Variants in ENOX1 observed in about 807,000 individuals in gnomAD.
ENOX1 encodes ecto-NOX disulfide-thiol exchanger 1.
ENOX1 carries 42 observed loss-of-function variants against 82.5 expected under a neutral mutation model. The observed-to-expected ratio is 0.51, with a 90% confidence interval of 0.40 to 0.66. The LOEUF (loss-of-function observed/expected upper bound fraction) is 0.66, where lower values mean the gene tolerates loss of function less well. ENOX1 is among the 30% of genes least tolerant of loss of function. ENOX1 has a pLI of 0.00. For synonymous variants in ENOX1, 271 were observed against 282.2 expected (o/e 0.96, Z 0.40); for missense variants, 608 against 811.6 (o/e 0.75, Z 3.05).
chr13:43,538,271 T>C (rs1593700723), intron 2 of ENOX1, among the ~76,000 whole-genome samples: 1 of 152,210 alleles, frequency 6.6e-6, no homozygotes, highest in Non-Finnish European at 1.5e-5. Context: ...ATAGAGAAGA[T>C]GAGAAACTAA....
At chr13:43,471,402 A>G (rs1006469685) in intron 3 of ENOX1, among the ~76,000 whole-genome samples, 62 of 152,322 alleles carry the variant, frequency 4.1e-4, no homozygotes, top group African/African-American at 1.4e-3. Context: ...GTGTCTTATC[A>G]TATGTAAATT....
At chr13:43,490,328 T>C (rs561091163) in intron 2 of ENOX1, among the ~76,000 whole-genome samples, 3 of 152,322 alleles carry the variant, frequency 2.0e-5, no homozygotes, top group Non-Finnish European at 4.4e-5. Flanking sequence ...TGACATGAAT[T>C]ATGCCTTGAG....
At chr13:43,714,518 A>G (rs1213651913) in intron 1 of ENOX1, among the ~76,000 whole-genome samples, 1 of 152,142 alleles carries the variant, frequency 6.6e-6, no homozygotes, top group Non-Finnish European at 1.5e-5. Context: ...GTGGGGTGTT[A>G]AAGTCTCCCG....
In ENOX1 at chr13:43,236,652, T is replaced by C. The variant is rs2042565116; in HGVS notation, c.1698A>G (p.Lys566=). The change falls in exon 15 of 17, where the codon AAA becomes AAG. Residue 566 remains lysine (K), a synonymous_variant. Transcript: ENST00000690772. ...TTTCCTTACCTATTAGCAGAGCTTC[T>C]TTCTCTGATTTTAAGCCTTGGCTTC... ...EKRSQGLKSE[K]EALLIGIIST... is the part of the protein sequence containing the mutation. 1.3e-6 allele frequency: 2 copies of C among 1,581,400 alleles called. No homozygotes were observed. The highest frequency in any genetic ancestry group is 2.4e-5 in the South Asian group (2 of 83,730).
intron 14 of ENOX1, among the ~76,000 whole-genome samples, chr13:43,253,153 A>G (rs2043551778): frequency 6.6e-6 from 1 of 152,160 alleles, no homozygotes; most frequent in Admixed American, 6.5e-5. Context: ...TCACAGCTAG[A>G]GTTGGCAGGA....
chr13:43,408,637 A>G (rs1366302397), intron 5 of ENOX1, among the ~76,000 whole-genome samples: 1 of 151,732 alleles, frequency 6.6e-6, no homozygotes, highest in African/African-American at 2.4e-5. Context: ...AAAGAAACAT[A>G]GTGCTGCACA....
intron 1 of ENOX1, among the ~76,000 whole-genome samples, chr13:43,686,598 T>C (rs1480824162): frequency 6.6e-6 from 1 of 152,222 alleles, no homozygotes; most frequent in Non-Finnish European, 1.5e-5. Flanking sequence ...TAAGTGAGTC[T>C]TTGGTTAAAG....
At chr13:43,277,749 C>T (rs910698997) in intron 12 of ENOX1, among the ~76,000 whole-genome samples, 1 of 152,160 alleles carries the variant, frequency 6.6e-6, no homozygotes, top group Non-Finnish European at 1.5e-5. Flanking sequence ...GAAAATGTTT[C>T]CAGGTTCCCT....
rs1169474928 is a variant in ENOX1, at chr13:43,232,452, G to A, written c.1714+4184C>T. On this transcript the variant is annotated intron_variant, in intron 15 of 16. Coordinates refer to ENST00000690772, the MANE Select transcript of ENOX1 (RefSeq NM_001347969.2). Reference sequence around the variant, plus strand: ...CCCAAGATTACTTTTCTCAGGTACAGCCTAAATATAGCCTCAACTTTATTC... The same window carrying A: ...CCCAAGATTACTTTTCTCAGGTACAACCTAAATATAGCCTCAACTTTATTC... Among the ~76,000 whole-genome samples the A allele has an allele frequency of 3.6e-4, 55 of 152,196 alleles. 1 individual carries two copies. Among genetic ancestry groups the A allele is most frequent in the Admixed American group, 3.5e-3 (53 of 15,282 alleles).
chr13:43,777,383 A>G (rs1461319566), intron 1 of ENOX1, among the ~76,000 whole-genome samples: 1 of 152,228 alleles, frequency 6.6e-6, no homozygotes, highest in Non-Finnish European at 1.5e-5. Context: ...ATATGTGCGC[A>G]CACACGTACA....
chr13:43,488,833 C>T (rs748729150), intron 2 of ENOX1, among the ~76,000 whole-genome samples: 30 of 152,120 alleles, frequency 2.0e-4, no homozygotes, highest in African/African-American at 6.8e-4. Context: ...AGAGGAAGGG[C>T]CGTCTTTGTT....
chr13:43,724,375 C>T (rs954224710), intron 1 of ENOX1, among the ~76,000 whole-genome samples: 3 of 152,212 alleles, frequency 2.0e-5, no homozygotes, highest in South Asian at 2.1e-4. Context: ...AGGTCTGACA[C>T]TGCTTCTCTT....
chr13:43,425,366 T>C (rs146407719), intron 3 of ENOX1, among the ~76,000 whole-genome samples: 1 of 152,336 alleles, frequency 6.6e-6, no homozygotes, highest in Non-Finnish European at 1.5e-5. Flanking sequence ...ACACTGTTGC[T>C]ACAGACCCAA....
At chr13:43,427,044 G>T (rs1270224513) in intron 3 of ENOX1, among the ~76,000 whole-genome samples, 1 of 152,142 alleles carries the variant, frequency 6.6e-6, no homozygotes, top group African/African-American at 2.4e-5. Flanking sequence ...AATTTGCACA[G>T]AAATGCAATG....
intron 5 of ENOX1, among the ~76,000 whole-genome samples, chr13:43,393,544 A>G (rs545661179): frequency 1.6e-4 from 25 of 152,182 alleles, no homozygotes; most frequent in South Asian, 1.0e-3. Context: ...CAGAACATAC[A>G]GATTAGATAG....
intron 4 of ENOX1, 100 bp downstream of exon 4, chr13:43,412,745 G>C: frequency 7.2e-7 from 1 of 1,390,826 alleles, no homozygotes; most frequent in Non-Finnish European, 9.9e-7. Context: ...TATGGGCCCA[G>C]GCTCCTGGTT....
At chr13:43,756,534 G>A (rs933705263) in intron 1 of ENOX1, among the ~76,000 whole-genome samples, 2 of 144,010 alleles carry the variant, frequency 1.4e-5, no homozygotes, top group Non-Finnish European at 3.1e-5. Context: ...AAAGGAGAGG[G>A]GAGGGGAGGG....
At chr13:43,340,759 G>T (rs1457596139) in intron 9 of ENOX1, among the ~76,000 whole-genome samples, 1 of 152,186 alleles carries the variant, frequency 6.6e-6, no homozygotes, top group Non-Finnish European at 1.5e-5. Context: ...ACTCAACGAG[G>T]TCACCAGAAA....
chr13:43,442,197 A>G (rs1241874584), intron 3 of ENOX1, among the ~76,000 whole-genome samples: 1 of 152,200 alleles, frequency 6.6e-6, no homozygotes, highest in East Asian at 1.9e-4. Context: ...GCTGCCCATG[A>G]AAATGAGAAC....
Sources: gnomAD v4.1 joint callset for allele counts (sites outside exome capture counted in the v4.1 genomes callset) on GRCh38, gnomAD v4.1.1 for gene constraint, MANE v1.5 for transcripts, NCBI Gene and HGNC (gene_info 2026-07-23, HGNC 2026-07-21) for gene names.